RYR2: variants seen among roughly 807,000 people sequenced by gnomAD.
The protein encoded by RYR2 is ryanodine receptor 2, also known as cardiac muscle ryanodine receptor-calcium release channel.
Under a neutral mutation model 601.1 loss-of-function variants are expected in RYR2, and 227 were observed. The ratio of observed to expected loss-of-function variants is 0.38; its 90% CI spans 0.34 to 0.42. The LOEUF is 0.42. Among genes scored for constraint, RYR2 ranks in the 10% least tolerant of loss-of-function variants. The probability of loss-of-function intolerance (pLI) is 1.00; values close to 1 mark genes in which losing one functional copy is unlikely to be tolerated. For missense variants in RYR2, 4,646 were observed against 6,156.5 expected, an observed-to-expected ratio of 0.75 and a Z score of 8.21; for synonymous variants, 2,223 against 2,175.1, an observed-to-expected ratio of 1.02 and a Z score of -0.61.
At chr1:237,144,793 T>C (rs2485577) in intron 1 of RYR2, among the ~76,000 whole-genome samples, 88,147 of 152,042 alleles carry the variant, frequency 0.58, 26,622 homozygotes, top group Non-Finnish European at 0.67. Flanking sequence ...ACATACACAA[T>C]AATAGATGTA....
intron 2 of RYR2, among the ~76,000 whole-genome samples, chr1:237,320,423 G>A (rs1375076062): frequency 6.6e-6 from 1 of 152,112 alleles, no homozygotes; most frequent in Non-Finnish European, 1.5e-5. Context: ...CAAATTATGT[G>A]TTAAGTGAGA....
Position 237,648,578 on chromosome 1 carries a change from C to G in RYR2, c.7477C>G (p.Leu2493Val), listed in dbSNP as rs886046273. ...CCTCCATCTTCTTGAGGTTGGCTTTCTGCCAGATCTCCGGGCGGCTGCTTC... is the reference window on the plus strand; with the variant it reads ...CCTCCATCTTCTTGAGGTTGGCTTTGTGCCAGATCTCCGGGCGGCTGCTTC... ...FLLHLLEVGF[L>V]PDLRAAASLD... The change falls in exon 49 of 105, where the codon CTG becomes GTG. Residue 2493 changes from leucine (L) to valine (V), a missense_variant. Leu to Val is a conservative substitution (Grantham distance 32, BLOSUM62 1). Transcript: ENST00000366574. 7 of 1,610,936 alleles carry G rather than the reference C, an allele frequency of 4.3e-6. No homozygotes were observed. The highest frequency in any genetic ancestry group is 5.9e-6 in the Non-Finnish European group (7 of 1,178,394).
At chr1:237,555,547 G>T (rs942852108) in intron 27 of RYR2, among the ~76,000 whole-genome samples, 2 of 151,942 alleles carry the variant, frequency 1.3e-5, no homozygotes, top group South Asian at 2.1e-4. Context: ...TTATATTTTG[G>T]TATCTATAGT....
intron 25 of RYR2, among the ~76,000 whole-genome samples, chr1:237,547,370 TA>T (rs2148078389): frequency 6.6e-6 from 1 of 152,296 alleles, no homozygotes; most frequent in East Asian, 1.9e-4. Context: ...TAACTTAGCA[TA>T]ATTACCTAGT....
At chr1:237,543,192 C>T (rs928652315) in intron 25 of RYR2, among the ~76,000 whole-genome samples, 1 of 152,106 alleles carries the variant, frequency 6.6e-6, no homozygotes. Flanking sequence ...TGAAATGCCT[C>T]CTTCTTGAGA....
intron 1 of RYR2, among the ~76,000 whole-genome samples, chr1:237,062,762 A>G (rs1379660044): frequency 6.6e-6 from 1 of 152,210 alleles, no homozygotes; most frequent in Non-Finnish European, 1.5e-5. Flanking sequence ...ACATGATAGC[A>G]GATCTTTGAT....
rs545727441 is a variant in RYR2, at chr1:237,817,286, G to A, written c.14434-1750G>A. ...GCATCTAACAGATCCATCAGCTGTT[G>A]AACTCATAGTTGAACTATGAGCATT... On this transcript the variant is annotated intron_variant, in intron 100 of 104. Coordinates refer to ENST00000366574, the MANE Select transcript of RYR2 (RefSeq NM_001035.3). 2.0e-5 allele frequency among the ~76,000 whole-genome samples: 3 copies of A among 152,234 alleles called. No individual in the cohort carries two copies. In the East Asian group the frequency reaches 5.8e-4, roughly 29 times the overall value.
At chr1:237,791,985 T>C in intron 93 of RYR2, 120 bp from the exon 94 acceptor site, 1 of 704,988 alleles carries the variant, frequency 1.4e-6, no homozygotes, top group Non-Finnish European at 2.4e-6. Context: ...ATTAGTCCTT[T>C]CATTATGCAG....
chr1:237,331,864 A>G (rs558710676), intron 3 of RYR2, among the ~76,000 whole-genome samples: 5 of 152,004 alleles, frequency 3.3e-5, no homozygotes, highest in African/African-American at 1.2e-4. Context: ...TTCAAAGCCT[A>G]TTTGGTTATT....
intron 1 of RYR2, among the ~76,000 whole-genome samples, chr1:237,165,728 A>G (rs1335378461): frequency 1.3e-5 from 2 of 152,104 alleles, no homozygotes; most frequent in Non-Finnish European, 2.9e-5. Context: ...TTAGCCAGGC[A>G]TGGTGAGAAG....
At chr1:237,814,274 A>ATTTC (rs1661550014) in intron 100 of RYR2, among the ~76,000 whole-genome samples, 1 of 152,178 alleles carries the variant, frequency 6.6e-6, no homozygotes, top group Non-Finnish European at 1.5e-5. Context: ...CAAAGATTTA[A>ATTTC]TTTCTTTAAT....
chr1:237,603,160 G>A (rs556462152), intron 35 of RYR2, among the ~76,000 whole-genome samples: 4 of 152,254 alleles, frequency 2.6e-5, no homozygotes, highest in South Asian at 2.1e-4. Context: ...AATTAGTGAC[G>A]TTCATGAATG....
At chr1:237,641,639 T>A (rs545562073) in intron 47 of RYR2, among the ~76,000 whole-genome samples, 259 of 152,128 alleles carry the variant, frequency 1.7e-3, no homozygotes, top group African/African-American at 5.9e-3. Context: ...CCTCCCAGGT[T>A]CAAGTGATTC....
At chr1:237,420,398 T>C (rs1461521342) in intron 11 of RYR2, among the ~76,000 whole-genome samples, 5 of 152,192 alleles carry the variant, frequency 3.3e-5, no homozygotes, top group African/African-American at 1.2e-4. Context: ...TTTGAGGTAA[T>C]TTTGAGTAAA....
intron 1 of RYR2, among the ~76,000 whole-genome samples, chr1:237,179,215 A>G (rs1298987251): frequency 6.6e-6 from 1 of 151,068 alleles, no homozygotes; most frequent in Non-Finnish European, 1.5e-5. Context: ...TGTTTCAGTC[A>G]TCTTCAGAAA....
chr1:237,498,697 G>A (rs1010396444), intron 20 of RYR2, among the ~76,000 whole-genome samples: 1 of 151,934 alleles, frequency 6.6e-6, no homozygotes, highest in African/African-American at 2.4e-5. Context: ...TACATTAAAA[G>A]TACCTGGTTC....
At chr1:237,142,930 C>T (rs1673553574) in intron 1 of RYR2, among the ~76,000 whole-genome samples, 1 of 152,168 alleles carries the variant, frequency 6.6e-6, no homozygotes, top group Admixed American at 6.5e-5. Flanking sequence ...CTGGGAAAGA[C>T]ATGCATTAGA....
intron 1 of RYR2, among the ~76,000 whole-genome samples, chr1:237,130,600 T>G (rs1205673186): frequency 6.6e-6 from 1 of 152,008 alleles, no homozygotes; most frequent in East Asian, 1.9e-4. Context: ...TAATCCCAGT[T>G]ACTCAGGAGG....
Position 237,112,666 on chromosome 1 carries a change from C to T in RYR2, c.48+70097C>T, listed in dbSNP as rs1407460118. On this transcript the variant is annotated intron_variant, in intron 1 of 104. Coordinates refer to ENST00000366574, the MANE Select transcript of RYR2 (RefSeq NM_001035.3). ...GATGCTTTTTTGCTCTGATCCAGGC[C>T]CACCTTTCCAGCCCACATATAGTAA... is the stretch of plus-strand genomic sequence containing the variant. 2.0e-5 allele frequency among the ~76,000 whole-genome samples: 3 copies of T among 151,502 alleles called. 1 individual carries two copies. Among genetic ancestry groups the T allele is most frequent in the Admixed American group, 6.6e-5 (1 of 15,218 alleles).
Sources: gnomAD v4.1 joint callset for allele counts (sites outside exome capture counted in the v4.1 genomes callset) on GRCh38, gnomAD v4.1.1 for gene constraint, MANE v1.5 for transcripts, NCBI Gene and HGNC (gene_info 2026-07-23, HGNC 2026-07-21) for gene names.